ZZZ3: variants seen among roughly 807,000 people sequenced by gnomAD.
ZZZ3 encodes the protein zinc finger ZZ-type containing 3.
ZZZ3 carries 22 observed loss-of-function variants against 95.2 expected under a neutral mutation model. The observed-to-expected ratio is 0.23, with a 90% CI of 0.17 to 0.33. The LOEUF is 0.33. ZZZ3 is among the 10% of genes least tolerant of loss of function. The pLI is 1.00. For missense variants in ZZZ3, 885 were observed against 1,066.5 expected, an observed-to-expected ratio of 0.83 and a Z score of 2.37; for synonymous variants, 335 against 358.9, an observed-to-expected ratio of 0.93 and a Z score of 0.75.
At chr1:77,628,338 A>G (rs1321369633) in intron 5 of ZZZ3, among the ~76,000 whole-genome samples, 1 of 152,194 alleles carries the variant, frequency 6.6e-6, no homozygotes, top group African/African-American at 2.4e-5. Flanking sequence ...TGTCTAATAA[A>G]ATAATCCACA....
chr1:77,595,574 T>C (rs1664137699), intron 5 of ZZZ3, among the ~76,000 whole-genome samples: 1 of 152,080 alleles, frequency 6.6e-6, no homozygotes. Context: ...AGCATCTATA[T>C]ATTTTTTAAA....
intron 1 of ZZZ3, among the ~76,000 whole-genome samples, chr1:77,651,753 C>T (rs769307753): frequency 3.9e-5 from 6 of 152,128 alleles, no homozygotes; most frequent in Non-Finnish European, 7.3e-5. Context: ...CACGGTGGCT[C>T]AGGCCTATAA....
chr1:77,595,874 G>GGGTA (rs1664169590), intron 5 of ZZZ3, among the ~76,000 whole-genome samples: 1 of 151,976 alleles, frequency 6.6e-6, no homozygotes, highest in African/African-American at 2.4e-5. Context: ...TTAAAGAAGA[G>GGGTA]GGTATACTGA....
chr1:77,679,806 A>T (rs1326553940), intron 1 of ZZZ3, among the ~76,000 whole-genome samples: 1 of 152,142 alleles, frequency 6.6e-6, no homozygotes, highest in African/African-American at 2.4e-5. Flanking sequence ...CCAAACACAA[A>T]CCATGTAAAA....
Position 77,632,311 on chromosome 1 carries a change from G to T in ZZZ3, c.1044C>A (p.Ala348=). ...CAGGAGATGGTTCAGGTTCTCCGGA[G>T]GCTGGCATACTCTCAAGACTTGTGT... ...ELDTSLESMP[A]SGEPEPSPVL... Residue 348 remains alanine (A), a synonymous_variant, in exon 5 of 15, where the codon GCC becomes GCA. Coordinates refer to ENST00000370801, the MANE Select transcript of ZZZ3 (RefSeq NM_015534.6). The T allele has an allele frequency of 6.2e-7, 1 of 1,614,160 alleles. No homozygotes were observed.
intron 6 of ZZZ3, among the ~76,000 whole-genome samples, chr1:77,583,815 TG>T (rs1662778064): frequency 6.6e-6 from 1 of 152,174 alleles, no homozygotes; most frequent in Admixed American, 6.6e-5. Context: ...TCAAATTTAA[TG>T]AACAATTAGT....
At chr1:77,572,542 A>C (rs191939918) in intron 12 of ZZZ3, among the ~76,000 whole-genome samples, 2 of 151,962 alleles carry the variant, frequency 1.3e-5, no homozygotes, top group African/African-American at 4.8e-5. Context: ...GTTTCACCAT[A>C]TTGGCCAGGC....
intron 5 of ZZZ3, among the ~76,000 whole-genome samples, chr1:77,622,908 T>A (rs1667016344): frequency 6.6e-6 from 1 of 152,122 alleles, no homozygotes; most frequent in Admixed American, 6.5e-5. Context: ...CCCACAGTAA[T>A]CCCCAGATAA....
At chr1:77,618,852 C>A (rs1296033794) in intron 5 of ZZZ3, among the ~76,000 whole-genome samples, 7 of 152,100 alleles carry the variant, frequency 4.6e-5, no homozygotes, top group Non-Finnish European at 2.9e-5. Context: ...ATTATTATAA[C>A]CTTCAAAAAA....
chr1:77,655,842 G>C (rs1403797661), intron 1 of ZZZ3, among the ~76,000 whole-genome samples: 1 of 152,176 alleles, frequency 6.6e-6, no homozygotes, highest in Non-Finnish European at 1.5e-5. Flanking sequence ...AATGAGATGA[G>C]AAGGCACCAT....
chr1:77,678,334 A>G (rs1454009366), intron 1 of ZZZ3, among the ~76,000 whole-genome samples: 1 of 152,116 alleles, frequency 6.6e-6, no homozygotes, highest in East Asian at 1.9e-4. Flanking sequence ...AGTTCCATAC[A>G]CAGTAGCACC....
intron 1 of ZZZ3, among the ~76,000 whole-genome samples, chr1:77,660,513 T>C (rs187667799): frequency 2.0e-5 from 3 of 152,350 alleles, no homozygotes; most frequent in Admixed American, 2.0e-4. Context: ...CTTAACATAA[T>C]GTCCTCAAGG....
At chr1:77,611,250 A>AAAAAACCACAAAAAAAAAAAAAAAAAAAC (rs58371848) in intron 5 of ZZZ3, among the ~76,000 whole-genome samples, 1 of 138,026 alleles carries the variant, frequency 7.2e-6, no homozygotes, top group Non-Finnish European at 1.6e-5. Flanking sequence ...AAAAAAAAAA[A>AAAAAACCACAAAAAAAAAAAAAAAAAAAC]CAACCCACAT....
rs59338720 is a variant in ZZZ3, at chr1:77,611,751, C to T, written c.1505+20099G>A. On this transcript the variant is annotated intron_variant, in intron 5 of 14. Coordinates refer to ENST00000370801, the MANE Select transcript of ZZZ3 (RefSeq NM_015534.6). ...AATAAGGGACAGTCAGTTCAATAAA[C>T]GATGCTGGGGAAACTGGATATCCAC... 3.5e-3 allele frequency among the ~76,000 whole-genome samples: 528 copies of T among 152,012 alleles called. 3 individuals are homozygous for T. Among genetic ancestry groups the T allele is most frequent in the African/African-American group, 0.012 (504 of 41,526 alleles).
intron 5 of ZZZ3, among the ~76,000 whole-genome samples, chr1:77,601,346 T>C (rs960278196): frequency 6.6e-6 from 1 of 152,002 alleles, no homozygotes; most frequent in Non-Finnish European, 1.5e-5. Context: ...GTGATGAGGG[T>C]CAAACCTAGA....
In ZZZ3 at chr1:77,670,737, G is replaced by GT. The variant is rs200820085; in HGVS notation, c.-403+11847dup. On this transcript the variant is annotated intron_variant, in intron 1 of 14. Coordinates refer to ENST00000370801, the MANE Select transcript of ZZZ3 (RefSeq NM_015534.6). ...CTGGAGTAGTAGTAGTGTTTGTTCT[G>GT]TTTTTTTTTAAACAAAACAAAACAA... Among the ~76,000 whole-genome samples, 637 of 147,594 alleles carry GT rather than the reference G, an allele frequency of 4.3e-3. 3 individuals are homozygous for GT. Among genetic ancestry groups the GT allele is most frequent in the East Asian group, 9.6e-3 (48 of 5,006 alleles).
intron 12 of ZZZ3, among the ~76,000 whole-genome samples, chr1:77,571,992 C>T (rs1345979926): frequency 6.6e-6 from 1 of 152,146 alleles, no homozygotes; most frequent in Non-Finnish European, 1.5e-5. Context: ...ATCATAATCA[C>T]TTTAAACTTA....
chr1:77,670,136 T>C (rs1027489379), intron 1 of ZZZ3, among the ~76,000 whole-genome samples: 2 of 146,602 alleles, frequency 1.4e-5, no homozygotes, highest in Admixed American at 1.4e-4. Flanking sequence ...ATCAAGCAAA[T>C]CTCCATGTTT....
At position 77,641,591 on chromosome 1, in the gene ZZZ3, G is replaced by A. The variant is rs1260279857; in HGVS notation, c.-338C>T. ...TATTTATCTGTCATCACTGTTAATT[G>A]TCCATGTTACACTGAGACTTCAGGT... is the stretch of plus-strand genomic sequence containing the variant. On this transcript the variant is annotated 5_prime_UTR_variant, in exon 2 of 15. Transcript: ENST00000370801. 1 of 398,068 alleles carries A rather than the reference G, an allele frequency of 2.5e-6. No individual in the cohort carries two copies. Among genetic ancestry groups the A allele is most frequent in the African/African-American group, 2.1e-5 (1 of 48,592 alleles). The allele number at this position is 398,068 out of a possible 1,614,324, so 24.7% of individuals were successfully genotyped here. A position where few individuals can be genotyped will look rare whatever the true frequency, so the allele number is the denominator to read the frequency against.
Sources: gnomAD v4.1 joint callset for allele counts (sites outside exome capture counted in the v4.1 genomes callset) on GRCh38, gnomAD v4.1.1 for gene constraint, MANE v1.5 for transcripts, NCBI Gene and HGNC (gene_info 2026-07-23, HGNC 2026-07-21) for gene names.